TNS1: variants seen among roughly 807,000 people sequenced by gnomAD.
TNS1 encodes tensin-1.
TNS1 carries 62 observed loss-of-function variants against 168.6 expected under a neutral mutation model. The observed-to-expected ratio is 0.37, with a 90% CI of 0.30 to 0.45. The LOEUF is 0.45. Among genes scored for constraint, TNS1 ranks in the 20% least tolerant of loss-of-function variants. The pLI is 1.00. For missense variants in TNS1, 2,240 were observed against 2,339.4 expected, an observed-to-expected ratio of 0.96 and a Z score of 0.88; for synonymous variants, 934 against 933.2, an observed-to-expected ratio of 1.00 and a Z score of -0.02.
chr2:217,966,154 G>A (rs903613102), intron 3 of TNS1, among the ~76,000 whole-genome samples: 7 of 152,052 alleles, frequency 4.6e-5, no homozygotes, highest in East Asian at 1.9e-4. Flanking sequence ...CGTCAGAAAC[G>A]CTGAAAAATA....
chr2:217,892,917 C>A (rs1951884047), intron 11 of TNS1, 31 bp downstream of exon 11: 1 of 1,612,410 alleles, frequency 6.2e-7, no homozygotes. Context: ...TGTCGATGTT[C>A]AGAGGATGGG....
intron 20 of TNS1, 98 bp from the exon 21 acceptor site, chr2:217,835,264 C>T: frequency 9.0e-7 from 1 of 1,116,466 alleles, no homozygotes; most frequent in African/African-American, 1.6e-5. Context: ...GTTAACCAGC[C>T]CCCACATCCC....
intron 21 of TNS1, among the ~76,000 whole-genome samples, chr2:217,831,968 C>CACACACAA (rs1944491144): frequency 6.6e-6 from 1 of 151,934 alleles, no homozygotes; most frequent in African/African-American, 2.4e-5. Flanking sequence ...CACACACACA[C>CACACACAA]ACAGACACAC....
At chr2:217,899,707 G>A (rs561044963) in intron 7 of TNS1, among the ~76,000 whole-genome samples, 2 of 152,294 alleles carry the variant, frequency 1.3e-5, no homozygotes, top group Non-Finnish European at 2.9e-5. Context: ...CAGGAAGGAC[G>A]CAAATGCAGA....
Position 217,813,264 on chromosome 2 carries a change from A to G in TNS1, c.4905T>C (p.Thr1635=). The stretch of plus-strand genomic sequence containing the variant: ...CCTTGAGCTTGACTCCTCTGGGGCC[A>G]GTCTCTATCAGAAAATGCCTGACCA... ...HELVRHFLIE[T]GPRGVKLKGC... Residue 1635 remains threonine (T), a synonymous_variant, in exon 27 of 33, where the codon ACT becomes ACC. Coordinates refer to ENST00000682258, the MANE Select transcript of TNS1 (RefSeq NM_001387777.1). This position sits in a 1 kb window ranked among gnomAD's most constrained non-coding sequence, Gnocchi z 4.0. The G allele has an allele frequency of 6.2e-7, 1 of 1,601,196 alleles. No individual in the cohort carries two copies. Among genetic ancestry groups the G allele is most frequent in the Middle Eastern group, 1.7e-4 (1 of 6,050 alleles).
chr2:217,891,757 T>A (rs1480232358), intron 11 of TNS1, among the ~76,000 whole-genome samples: 1 of 152,142 alleles, frequency 6.6e-6, no homozygotes, highest in Non-Finnish European at 1.5e-5. Context: ...TCCTCTTCCC[T>A]CACTTGCTCA....
intron 2 of TNS1, among the ~76,000 whole-genome samples, chr2:217,985,111 T>C (rs959445092): frequency 3.3e-5 from 5 of 151,502 alleles, no homozygotes; most frequent in Admixed American, 2.0e-4. Flanking sequence ...TTAGTGTTAG[T>C]GTACTTTATG....
intron 22 of TNS1, among the ~76,000 whole-genome samples, chr2:217,828,909 C>T (rs577514116): frequency 6.6e-6 from 1 of 152,292 alleles, no homozygotes; most frequent in South Asian, 2.1e-4. Flanking sequence ...GAGGGCAAAT[C>T]GTGGCTGTAA....
intron 3 of TNS1, among the ~76,000 whole-genome samples, chr2:217,966,158 A>G (rs1957623039): frequency 6.6e-6 from 1 of 152,126 alleles, no homozygotes; most frequent in Non-Finnish European, 1.5e-5. Flanking sequence ...AGAAACGCTG[A>G]AAAATATGAG....
intron 12 of TNS1, among the ~76,000 whole-genome samples, chr2:217,887,370 G>A (rs563168778): frequency 2.6e-5 from 4 of 152,194 alleles, no homozygotes; most frequent in Middle Eastern, 3.4e-3. Context: ...GTGCAATGGC[G>A]CAATCTCGGC....
intron 3 of TNS1, among the ~76,000 whole-genome samples, chr2:217,949,543 C>T (rs576393600): frequency 6.6e-6 from 1 of 152,272 alleles, no homozygotes; most frequent in South Asian, 2.1e-4. Context: ...TGGCAGGATC[C>T]CTGATGAAAT....
intron 18 of TNS1, among the ~76,000 whole-genome samples, chr2:217,856,059 A>C (rs1446965708): frequency 6.6e-6 from 1 of 152,182 alleles, no homozygotes; most frequent in Non-Finnish European, 1.5e-5. Flanking sequence ...TGAACACCCC[A>C]AAAACCATCT....
intron 18 of TNS1, among the ~76,000 whole-genome samples, chr2:217,873,872 G>A (rs757018737): frequency 6.6e-6 from 1 of 152,158 alleles, no homozygotes; most frequent in African/African-American, 2.4e-5. Flanking sequence ...TCTCCACACA[G>A]AGAATGCCTG....
intron 25 of TNS1, 123 bp downstream of exon 25, chr2:217,814,789 C>G: frequency 1.4e-6 from 1 of 731,038 alleles, no homozygotes; most frequent in Non-Finnish European, 2.3e-6. Flanking sequence ...TCAACCCCAG[C>G]CCCCTCTGTG....
Position 217,886,603 on chromosome 2 carries a change from T to C in TNS1, c.910A>G (p.Met304Val). 6.2e-7 allele frequency: 1 copy of C among 1,603,396 alleles called. No homozygotes were observed. The highest frequency in any genetic ancestry group is 8.5e-7 in the Non-Finnish European group (1 of 1,175,242). Residue 304 changes from methionine to valine, a missense_variant, in exon 13 of 33, where the codon ATG (methionine) becomes GTG (valine). Coordinates refer to ENST00000682258, the MANE Select transcript of TNS1 (RefSeq NM_001387777.1). ...TGCAGAAACAAGGGCTTGTTGTTCA[T>C]TTTGATGGAGCCGGAGAGCAGGCCA... is the stretch of plus-strand genomic sequence containing the variant. The part of the protein sequence containing the change: ...FSGLLSGSIK[M>V]NNKPLFLHHV...
intron 4 of TNS1, among the ~76,000 whole-genome samples, chr2:217,916,398 C>G (rs1194078773): frequency 1.3e-5 from 2 of 152,172 alleles, no homozygotes; most frequent in Non-Finnish European, 2.9e-5. Flanking sequence ...ATGTGCACAT[C>G]ATTCCACCCC....
chr2:217,838,501 G>C (rs1177501895), intron 19 of TNS1, among the ~76,000 whole-genome samples: 1 of 152,234 alleles, frequency 6.6e-6, no homozygotes, highest in Non-Finnish European at 1.5e-5. Context: ...CAGAGGCAGG[G>C]AAATGGAGGG....
chr2:217,946,790 AC>A (rs1196060817), intron 3 of TNS1, among the ~76,000 whole-genome samples: 1 of 151,962 alleles, frequency 6.6e-6, no homozygotes, highest in African/African-American at 2.4e-5. Flanking sequence ...AGAACTATAA[AC>A]CCAGCAAGTC....
At chr2:217,998,688 C>G (rs575021963) in intron 1 of TNS1, among the ~76,000 whole-genome samples, 5 of 152,344 alleles carry the variant, frequency 3.3e-5, no homozygotes, top group Admixed American at 3.3e-4. Context: ...TTCGTACAGA[C>G]ATGGTCTTAC....
Sources: allele counts gnomAD v4.1 joint callset (sites outside exome capture counted in the v4.1 genomes callset), GRCh38; gene constraint gnomAD v4.1.1; non-coding constraint Gnocchi (gnomAD v3.1); transcripts MANE v1.5; gene names NCBI Gene and HGNC (gene_info 2026-07-23, HGNC 2026-07-21).